Variants in PRF1 observed in about 807,000 individuals in gnomAD.
PRF1 encodes the protein perforin 1, also known as perforin-1.
A neutral mutation model predicts 11.7 loss-of-function variants in PRF1; 11 were observed. That is an observed-to-expected ratio of 0.94 (90% CI 0.59 to 1.56). The LOEUF (loss-of-function observed/expected upper bound fraction) is 1.56, where lower values mean the gene tolerates loss of function less well. Among genes scored for constraint, PRF1 ranks in the 40% most tolerant of loss-of-function variants. The probability of loss-of-function intolerance (pLI) is 0.00; values close to 1 mark genes in which losing one functional copy is unlikely to be tolerated. For missense variants in PRF1, 729 were observed against 751.0 expected (o/e 0.97, Z 0.34); for synonymous variants, 314 against 327.8 (o/e 0.96, Z 0.45).
At position 70,598,016 on chromosome 10, in the gene PRF1, A is replaced by T. The variant is rs532610868; in HGVS notation, c.*37T>A. 2 of 1,607,550 alleles carry T rather than the reference A, an allele frequency of 1.2e-6. No individual in the cohort carries two copies. The highest frequency in any genetic ancestry group is 4.5e-5 in the East Asian group (2 of 44,866). ...TGGCTCCCACTGTGAGAACCCCTTCAGTCCAAGCATACTGGTCCTTTCCAA... is the reference window on the plus strand; with the variant it reads ...TGGCTCCCACTGTGAGAACCCCTTCTGTCCAAGCATACTGGTCCTTTCCAA... On this transcript the variant is annotated 3_prime_UTR_variant, in exon 3 of 3. Transcript: ENST00000441259.
At chr10:70,601,021 G>T (rs1361218222) in intron 1 of PRF1, 89 bp from the exon 2 acceptor site, 19 of 1,480,384 alleles carry the variant, frequency 1.3e-5, no homozygotes, top group Non-Finnish European at 1.7e-5. Flanking sequence ...GGGAGGGGCT[G>T]AGATATCTCT....
chr10:70,597,842 C>CT lies in PRF1; in HGVS notation c.*210dup, dbSNP rs1848146772. ...ACTAGCACTAACGATAGCCGATGAG[C>CT]TAAAAAAAAAAAAAAAATAGCAAAA... On this transcript the variant is annotated 3_prime_UTR_variant, in exon 3 of 3. Transcript: ENST00000441259. The CT allele has an allele frequency of 3.3e-6, 2 of 605,404 alleles. No individual in the cohort carries two copies. The highest frequency in any genetic ancestry group is 5.5e-5 in the East Asian group (2 of 36,454). The allele number at this position is 605,404 out of a possible 1,614,324, so 37.5% of individuals were successfully genotyped here.
At position 70,597,407 on chromosome 10, in the gene PRF1, A is replaced by T. The variant is rs1848139243; in HGVS notation, c.*646T>A. The T allele has an allele frequency of 6.0e-6, 2 of 332,610 alleles. No homozygotes were observed. Among genetic ancestry groups the T allele is most frequent in the Non-Finnish European group, 5.4e-6 (1 of 183,502 alleles). The allele number at this position is 332,610 out of a possible 1,614,324, so 20.6% of individuals were successfully genotyped here. A position where few individuals can be genotyped will look rare whatever the true frequency, so the allele number is the denominator to read the frequency against. On this transcript the variant is annotated 3_prime_UTR_variant, in exon 3 of 3. Coordinates refer to ENST00000441259, the MANE Select transcript of PRF1 (RefSeq NM_001083116.3). Reference sequence around the variant, plus strand: ...AGCTATGTACATGGTGAGACAGGTCAGGACAGGCCTCCATTTGTCTCAGGG... The same window carrying T: ...AGCTATGTACATGGTGAGACAGGTCTGGACAGGCCTCCATTTGTCTCAGGG...
chr10:70,599,520 C>A (rs372071395), intron 2 of PRF1, among the ~76,000 whole-genome samples: 1 of 152,242 alleles, frequency 6.6e-6, no homozygotes, highest in Admixed American at 6.5e-5. Context: ...GAGGCCGAGG[C>A]GGGAGGATCA....
rs371021342 is a variant in PRF1, at chr10:70,598,741, G to A, written c.980C>T (p.Ala327Val). ...GIQAGPEQYS[A>V]WVNSLPGSPG... ...GCTGCCGGGCAGCGAGTTTACCCAG[G>A]CTGAGTACTGCTCGGGCCCGGCCTG... Residue 327 changes from alanine (A) to valine (V), a missense_variant, in exon 3 of 3, where the codon GCC becomes GTC. Physicochemically the swap from Ala to Val is moderately conservative, Grantham distance 64 (BLOSUM62 0). Coordinates refer to ENST00000441259, the MANE Select transcript of PRF1 (RefSeq NM_001083116.3). 3.1e-6 allele frequency: 5 copies of A among 1,614,244 alleles called. No homozygotes were observed. In the African/African-American group the frequency reaches 4.0e-5, roughly 13 times the overall value.
chr10:70,601,516 G>A (rs1198126829), intron 1 of PRF1, among the ~76,000 whole-genome samples: 4 of 152,068 alleles, frequency 2.6e-5, no homozygotes, highest in East Asian at 1.9e-4. Flanking sequence ...AATAACATCA[G>A]CCCGAATTCT....
intron 1 of PRF1, among the ~76,000 whole-genome samples, chr10:70,601,977 G>A (rs927398430): frequency 6.6e-6 from 1 of 151,198 alleles, no homozygotes. Context: ...GCAGTGACAG[G>A]GGCCCCCCTA....
At position 70,600,707 on chromosome 10, in the gene PRF1, ACCTTTGTGTGT is replaced by A. The variant is rs774071705; in HGVS notation, c.185_195del (p.Asp62ValfsTer12). 3 of 1,613,668 alleles carry A rather than the reference ACCTTTGTGTGT, an allele frequency of 1.9e-6. No homozygotes were observed. Among genetic ancestry groups the A allele is most frequent in the Non-Finnish European group, 8.5e-7 (1 of 1,179,884 alleles). Reference sequence around the variant, plus strand: ...GTGCAGGTGCCGTCGGGCCGCAGGAACCTTTGTGTGTCCACTGGGAAGGAGCCCGAGCGGCG... The same window carrying A: ...GTGCAGGTGCCGTCGGGCCGCAGGAACCACTGGGAAGGAGCCCGAGCGGCG... On this transcript the variant is annotated frameshift_variant, in exon 2 of 3. Transcript: ENST00000441259. LOFTEE classifies it high-confidence loss of function. The surrounding 1 kb of genome is among the most constrained non-coding windows in gnomAD (Gnocchi z 4.9).
chr10:70,599,324 C>T, intron 2 of PRF1, 143 bp from the exon 3 acceptor site: 1 of 1,056,274 alleles, frequency 9.5e-7, no homozygotes. Flanking sequence ...AGAGCACAAG[C>T]ACAGTGGCAC....
At chr10:70,599,713 C>T (rs1006712868) in intron 2 of PRF1, among the ~76,000 whole-genome samples, 4 of 152,172 alleles carry the variant, frequency 2.6e-5, no homozygotes, top group South Asian at 2.1e-4. Flanking sequence ...CCCACATGCC[C>T]GGGATCCTGA....
chr10:70,601,840 A>AAAAAAAAAAGAGAAAAAAAAG (rs55649452), intron 1 of PRF1, among the ~76,000 whole-genome samples: 6 of 97,760 alleles, frequency 6.1e-5, no homozygotes, highest in Middle Eastern at 0.012. Context: ...AAAAAAAAAA[A>AAAAAAAAAAGAGAAAAAAAAG]AAAAAGGGGC....
At chr10:70,601,966 G>A (rs947565295) in intron 1 of PRF1, among the ~76,000 whole-genome samples, 2 of 152,036 alleles carry the variant, frequency 1.3e-5, no homozygotes, top group African/African-American at 4.8e-5. Flanking sequence ...TGTGGCCTTC[G>A]GCAGTGACAG....
Position 70,597,875 on chromosome 10 carries a change from CATA to C in PRF1, c.*175_*177del. ...AAAAAAAAAATAGCAAAAAGAAACT[CATA>C]ATGTTTTAAGAAAGTTTGCGAATTT... On this transcript the variant is annotated 3_prime_UTR_variant, in exon 3 of 3. Transcript: ENST00000441259. The C allele has an allele frequency of 1.4e-6, 1 of 720,974 alleles. No homozygotes were observed. The highest frequency in any genetic ancestry group is 2.8e-5 in the Admixed American group (1 of 36,256). The allele number at this position is 720,974 out of a possible 1,614,324, so 44.7% of individuals were successfully genotyped here.
Position 70,597,535 on chromosome 10 carries a change from C to T in PRF1, c.*518G>A, listed in dbSNP as rs377317822. The stretch of plus-strand genomic sequence containing the variant: ...ACCATAGAGGGCTCAAGGGAAGGGT[C>T]CTAAAAGACCAGCCCTGAGCAGCCT... On this transcript the variant is annotated 3_prime_UTR_variant, in exon 3 of 3. Transcript: ENST00000441259. 4 of 434,242 alleles carry T rather than the reference C, an allele frequency of 9.2e-6. No homozygotes were observed. The highest frequency in any genetic ancestry group is 1.6e-5 in the Non-Finnish European group (4 of 248,366). The allele number at this position is 434,242 out of a possible 1,614,324, so 26.9% of individuals were successfully genotyped here. A position where few individuals can be genotyped will look rare whatever the true frequency, so the allele number is the denominator to read the frequency against.
At position 70,597,572 on chromosome 10, in the gene PRF1, C is replaced by G. The variant is rs187368446; in HGVS notation, c.*481G>C. The G allele has an allele frequency of 2.1e-6, 1 of 470,074 alleles. No individual in the cohort carries two copies. The highest frequency in any genetic ancestry group is 2.0e-5 in the African/African-American group (1 of 50,508). The allele number at this position is 470,074 out of a possible 1,614,324, so 29.1% of individuals were successfully genotyped here. ...GCCCTGAGCAGCCTGGTGGGAACAGCCTCTTGGCCTTCTGCCCAGCTCCTG... is the reference window on the plus strand; with the variant it reads ...GCCCTGAGCAGCCTGGTGGGAACAGGCTCTTGGCCTTCTGCCCAGCTCCTG... On this transcript the variant is annotated 3_prime_UTR_variant, in exon 3 of 3. Transcript: ENST00000441259.
chr10:70,598,323 A>C lies in PRF1; in HGVS notation c.1398T>G (p.Asp466Glu). ...NNNPIWSVRL[D>E]FGDVLLATGG... ...CTGTGGCCAGGAGCACATCCCCAAA[A>C]TCCAGCCGCACTGACCAGATGGGGT... The change falls in exon 3 of 3, where the codon GAT becomes GAG. Residue 466 changes from aspartate (D) to glutamate (E), a missense_variant. Transcript: ENST00000441259. The C allele has an allele frequency of 6.2e-7, 1 of 1,614,044 alleles. No individual in the cohort carries two copies. The highest frequency in any genetic ancestry group is 8.5e-7 in the Non-Finnish European group (1 of 1,179,992).
intron 1 of PRF1, among the ~76,000 whole-genome samples, chr10:70,601,304 T>C (rs1399907730): frequency 6.6e-6 from 1 of 152,120 alleles, no homozygotes; most frequent in Non-Finnish European, 1.5e-5. Flanking sequence ...GAAGCCTTCA[T>C]TCTGAAGAAG....
In PRF1 at chr10:70,598,300, G is replaced by C. The variant is rs1848157162; in HGVS notation, c.1421C>G (p.Thr474Arg). The C allele has an allele frequency of 6.2e-7, 1 of 1,614,208 alleles. No homozygotes were observed. Among genetic ancestry groups the C allele is most frequent in the Non-Finnish European group, 8.5e-7 (1 of 1,180,036 alleles). The change falls in exon 3 of 3, where the codon ACA (threonine) becomes AGA (arginine). Residue 474 changes from threonine to arginine, a missense_variant. Transcript: ENST00000441259. ...RLDFGDVLLATGGPLRLQVWD... is the reference protein window; with the variant it reads ...RLDFGDVLLARGGPLRLQVWD... ...GACCTGCAACCTCAGGGGCCCCCCT[G>C]TGGCCAGGAGCACATCCCCAAAATC...
In PRF1 at chr10:70,600,750, G is replaced by C; in HGVS notation, c.153C>G (p.Thr51=). 2 of 1,612,798 alleles carry C rather than the reference G, an allele frequency of 1.2e-6. No individual in the cohort carries two copies. The highest frequency in any genetic ancestry group is 8.5e-7 in the Non-Finnish European group (1 of 1,179,246). The change falls in exon 2 of 3, where the codon ACC becomes ACG. Residue 51 remains threonine, a synonymous_variant. Coordinates refer to ENST00000441259, the MANE Select transcript of PRF1 (RefSeq NM_001083116.3). This position sits in a 1 kb window ranked among gnomAD's most constrained non-coding sequence, Gnocchi z 4.9. ...AWLAGEGVDV[T]SLRRSGSFPV... Reference sequence around the variant, plus strand: ...GGAAGGAGCCCGAGCGGCGGAGGCTGGTCACGTCCACACCCTCCCCGGCCA... The same window carrying C: ...GGAAGGAGCCCGAGCGGCGGAGGCTCGTCACGTCCACACCCTCCCCGGCCA...
Sources: allele counts gnomAD v4.1 joint callset (sites outside exome capture counted in the v4.1 genomes callset), GRCh38; gene constraint gnomAD v4.1.1; non-coding constraint Gnocchi (gnomAD v3.1); transcripts MANE v1.5; gene names NCBI Gene and HGNC (gene_info 2026-07-23, HGNC 2026-07-21).